Variants in ACTR3 observed in about 807,000 individuals in gnomAD.
The protein encoded by ACTR3 is actin related protein 3.
In ACTR3, 12 loss-of-function variants were observed where a neutral mutation model predicts 56.8. That is an observed-to-expected ratio of 0.21 (90% CI 0.14 to 0.34). The LOEUF (loss-of-function observed/expected upper bound fraction) is 0.34, where lower values mean the gene tolerates loss of function less well. Among genes scored for constraint, ACTR3 ranks in the 10% least tolerant of loss-of-function variants. ACTR3 has a pLI of 1.00. For missense variants in ACTR3, 282 were observed against 512.5 expected, an observed-to-expected ratio of 0.55 and a Z score of 4.34; for synonymous variants, 162 against 167.4, an observed-to-expected ratio of 0.97 and a Z score of 0.25.
chr2:113,944,710 C>T (rs187439636), intron 8 of ACTR3, among the ~76,000 whole-genome samples: 11 of 151,664 alleles, frequency 7.3e-5, no homozygotes, highest in Non-Finnish European at 5.9e-5. Context: ...TGCAGTGAGC[C>T]GAGATCACGC....
At chr2:113,952,087 A>T (rs12711792) in intron 10 of ACTR3, 88,109 of 416,196 alleles carry the variant, frequency 0.21, 15,705 homozygotes, top group African/African-American at 0.66. Context: ...CTTTTTTTTT[A>T]AATACCTCTC....
chr2:113,897,486 A>G (rs1049821992), intron 1 of ACTR3, among the ~76,000 whole-genome samples: 1 of 151,664 alleles, frequency 6.6e-6, no homozygotes, highest in East Asian at 1.9e-4. Flanking sequence ...GAACCAGGAA[A>G]GGAATAGCTT....
At chr2:113,918,420 G>A (rs1226148984) in intron 3 of ACTR3, among the ~76,000 whole-genome samples, 1 of 133,296 alleles carries the variant, frequency 7.5e-6, no homozygotes, top group East Asian at 2.1e-4. Flanking sequence ...GCCTCACTTT[G>A]TTACCCAGGA....
intron 3 of ACTR3, 53 bp downstream of exon 3, chr2:113,917,061 T>C (rs1159589291): frequency 1.3e-6 from 2 of 1,489,410 alleles, no homozygotes; most frequent in East Asian, 2.4e-5. Flanking sequence ...GTTTGTTCGA[T>C]GCTTGTGCCC....
intron 1 of ACTR3, among the ~76,000 whole-genome samples, chr2:113,902,327 T>G (rs1679114326): frequency 1.3e-5 from 2 of 152,118 alleles, no homozygotes; most frequent in Admixed American, 1.3e-4. Context: ...TTTTGAATTC[T>G]TTTCTCTATA....
chr2:113,905,682 A>G (rs1041610729), intron 1 of ACTR3, among the ~76,000 whole-genome samples: 1 of 152,148 alleles, frequency 6.6e-6, no homozygotes, highest in Non-Finnish European at 1.5e-5. Context: ...GTCCCAGGCA[A>G]ATACCATTCC....
intron 7 of ACTR3, among the ~76,000 whole-genome samples, chr2:113,941,638 G>GT (rs1679926667): frequency 6.6e-6 from 1 of 152,180 alleles, no homozygotes; most frequent in South Asian, 2.1e-4. Context: ...ATTTTTCAGT[G>GT]TTTTTGATGA....
chr2:113,910,019 C>T (rs939644031), intron 1 of ACTR3, among the ~76,000 whole-genome samples: 5 of 151,942 alleles, frequency 3.3e-5, no homozygotes, highest in African/African-American at 1.2e-4. Context: ...TCCTATAATT[C>T]TTAGAAACTC....
chr2:113,903,023 A>G (rs1679130472), intron 1 of ACTR3, among the ~76,000 whole-genome samples: 1 of 152,258 alleles, frequency 6.6e-6, no homozygotes, highest in Non-Finnish European at 1.5e-5. Flanking sequence ...GCCTTTAGGC[A>G]AATTTCAACT....
At chr2:113,931,236 A>G (rs755471873) in intron 4 of ACTR3, 65 bp from the exon 5 acceptor site, 4 of 993,720 alleles carry the variant, frequency 4.0e-6, no homozygotes, top group Non-Finnish European at 5.7e-6. Flanking sequence ...CTCATTTAAA[A>G]ATTGTCAAGA....
intron 8 of ACTR3, among the ~76,000 whole-genome samples, chr2:113,949,354 GGT>G (rs1680077910): frequency 6.9e-6 from 1 of 144,370 alleles, no homozygotes; most frequent in African/African-American, 2.7e-5. Flanking sequence ...CTCCAGCCTG[GGT>G]GTCAGATCGA....
In ACTR3 at chr2:113,959,616, C is replaced by G. The variant is rs944241659; in HGVS notation, c.*2161C>G. The stretch of plus-strand genomic sequence containing the variant: ...GTGTATGTTCTGATATCCCTTTGCT[C>G]TACTTTTAGAGGAGTGAACCCTAAT... On this transcript the variant is annotated 3_prime_UTR_variant, in exon 12 of 12. Coordinates refer to ENST00000263238, the MANE Select transcript of ACTR3 (RefSeq NM_005721.5). The G allele has an allele frequency of 6.6e-6, 1 of 152,032 alleles. No homozygotes were observed. Among genetic ancestry groups the G allele is most frequent in the African/African-American group, 2.4e-5 (1 of 41,424 alleles). The allele number at this position is 152,032 out of a possible 1,614,324, so 9.4% of individuals were successfully genotyped here.
intron 6 of ACTR3, among the ~76,000 whole-genome samples, chr2:113,937,470 G>T (rs1679850421): frequency 1.3e-5 from 2 of 152,192 alleles, no homozygotes; most frequent in Non-Finnish European, 2.9e-5. Context: ...TGAAGGTCCA[G>T]ATTTCCACCT....
chr2:113,950,586 A>G (rs1391482046), intron 8 of ACTR3, among the ~76,000 whole-genome samples: 1 of 152,238 alleles, frequency 6.6e-6, no homozygotes, highest in Non-Finnish European at 1.5e-5. Context: ...ATCATGAATA[A>G]TGAGATTAGA....
At chr2:113,949,268 C>T (rs562299316) in intron 8 of ACTR3, among the ~76,000 whole-genome samples, 2 of 150,298 alleles carry the variant, frequency 1.3e-5, no homozygotes, top group South Asian at 4.2e-4. Flanking sequence ...ATCCCAGCTA[C>T]TCGGGAGGCT....
intron 3 of ACTR3, among the ~76,000 whole-genome samples, chr2:113,919,912 C>T (rs1679476238): frequency 6.6e-6 from 1 of 152,024 alleles, no homozygotes; most frequent in Admixed American, 6.6e-5. Context: ...CCATGCTTCG[C>T]TAATTTATTT....
At chr2:113,936,998 C>T (rs990948321) in intron 6 of ACTR3, among the ~76,000 whole-genome samples, 26 of 152,120 alleles carry the variant, frequency 1.7e-4, no homozygotes, top group African/African-American at 6.3e-4. Flanking sequence ...CTTTGAATAC[C>T]CTATCTCCAA....
In ACTR3 at chr2:113,940,003, C is replaced by T. The variant is rs756712518; in HGVS notation, c.585C>T (p.Ile195=). The change falls in exon 7 of 12, where the codon ATC becomes ATT. Residue 195 remains isoleucine, a synonymous_variant. Transcript: ENST00000263238. ...GCAGCTGTATTAAACACATTCCAAT[C>T]GCAGGACGAGATATAACATATTTTA... is the stretch of plus-strand genomic sequence containing the variant. The part of the protein sequence containing the change: ...VIGSCIKHIP[I]AGRDITYFIQ... 8.7e-6 allele frequency: 14 copies of T among 1,612,502 alleles called. No individual in the cohort carries two copies. The East Asian group carries it at 2.0e-4, about 23-fold the overall frequency.
chr2:113,935,863 G>C (rs745948978), intron 6 of ACTR3, among the ~76,000 whole-genome samples: 1 of 152,120 alleles, frequency 6.6e-6, no homozygotes, highest in African/African-American at 2.4e-5. Flanking sequence ...ATTTGACCTG[G>C]TTCTGCCTTT....
Sources: gnomAD v4.1 joint callset for allele counts (sites outside exome capture counted in the v4.1 genomes callset) on GRCh38, gnomAD v4.1.1 for gene constraint, MANE v1.5 for transcripts, NCBI Gene and HGNC (gene_info 2026-07-23, HGNC 2026-07-21) for gene names.